Variants in TLN2 observed in about 807,000 individuals in gnomAD.
TLN2 encodes the protein talin 2, also known as talin-2.
Under a neutral mutation model 294.7 loss-of-function variants are expected in TLN2, and 118 were observed. The ratio of observed to expected loss-of-function variants is 0.40; its 90% CI spans 0.34 to 0.47. The LOEUF (loss-of-function observed/expected upper bound fraction) is 0.47. Among genes scored for constraint, TLN2 ranks in the 20% least tolerant of loss-of-function variants. The probability of loss-of-function intolerance (pLI) is 0.84; values close to 1 mark genes in which losing one functional copy is unlikely to be tolerated. For missense variants in TLN2, 3,083 were observed against 3,282.2 expected (o/e 0.94, Z 1.48); for synonymous variants, 1,431 against 1,304.5 (o/e 1.10, Z -2.09).
At chr15:62,638,820 G>A (rs975733706) in intron 3 of TLN2, among the ~76,000 whole-genome samples, 1 of 152,084 alleles carries the variant, frequency 6.6e-6, no homozygotes, top group Non-Finnish European at 1.5e-5. Context: ...CCCTTGGGGA[G>A]CTTCCAGTTA....
chr15:62,691,982 A>T (rs2057959256), intron 12 of TLN2, among the ~76,000 whole-genome samples: 4 of 152,160 alleles, frequency 2.6e-5, no homozygotes, highest in Admixed American at 1.3e-4. Context: ...CCATTGGGAG[A>T]CTTCTGATCT....
At chr15:62,582,330 C>T (rs2045199271) in intron 1 of TLN2, among the ~76,000 whole-genome samples, 2 of 151,882 alleles carry the variant, frequency 1.3e-5, no homozygotes, top group African/African-American at 4.8e-5. Context: ...TTCTTGGAGT[C>T]ACTATTTTTC....
chr15:62,544,614 C>T (rs1044498596), intron 1 of TLN2, among the ~76,000 whole-genome samples: 6 of 152,280 alleles, frequency 3.9e-5, no homozygotes, highest in East Asian at 1.9e-4. Context: ...TCCTGGAGAC[C>T]GCTTCTGGCT....
At chr15:62,543,973 T>A (rs899984581) in intron 1 of TLN2, among the ~76,000 whole-genome samples, 3 of 151,942 alleles carry the variant, frequency 2.0e-5, no homozygotes, top group African/African-American at 7.3e-5. Flanking sequence ...GGGGCTGGCG[T>A]GGAGGGTAGT....
At chr15:62,805,041 A>G (rs28689704) in intron 50 of TLN2, among the ~76,000 whole-genome samples, 13,099 of 152,226 alleles carry the variant, frequency 0.086, 818 homozygotes, top group East Asian at 0.2. Flanking sequence ...TCACAGTGTC[A>G]CCATGGCGCA....
chr15:62,399,959 G>T (rs1016793163), intron 1 of TLN2, among the ~76,000 whole-genome samples: 5 of 152,128 alleles, frequency 3.3e-5, no homozygotes, highest in African/African-American at 1.2e-4. Flanking sequence ...CATGAGATTT[G>T]GGAGGGGGCA....
intron 1 of TLN2, 138 bp from the exon 2 acceptor site, chr15:62,589,549 C>T (rs1349166406): frequency 6.6e-6 from 1 of 152,162 alleles, no homozygotes; most frequent in East Asian, 1.9e-4. Flanking sequence ...ATTCCCAGCC[C>T]ATGTGTTGTG....
At chr15:62,424,664 T>G (rs2034599597) in intron 1 of TLN2, among the ~76,000 whole-genome samples, 1 of 151,986 alleles carries the variant, frequency 6.6e-6, no homozygotes, top group Non-Finnish European at 1.5e-5. Context: ...TTTTTTTTTG[T>G]TTTTTTGAGA....
intron 1 of TLN2, among the ~76,000 whole-genome samples, chr15:62,589,167 T>G (rs1348782205): frequency 6.6e-6 from 1 of 152,116 alleles, no homozygotes; most frequent in Non-Finnish European, 1.5e-5. Flanking sequence ...TTATAGTGCT[T>G]CTCTGCTTCA....
intron 11 of TLN2, among the ~76,000 whole-genome samples, chr15:62,683,810 C>T (rs1319598449): frequency 1.3e-5 from 2 of 151,984 alleles, no homozygotes; most frequent in East Asian, 1.9e-4. Flanking sequence ...AGTTGAAGGT[C>T]GGAAAGGAGT....
Position 62,820,533 on chromosome 15 carries a change from G to A in TLN2, c.6925G>A (p.Glu2309Lys). 3 of 1,614,002 alleles carry A rather than the reference G, an allele frequency of 1.9e-6. No homozygotes were observed. The African/African-American group carries it at 4.0e-5, about 22-fold the overall frequency. ...AGACCCAACTGTCATTGCAGAAACA[G>A]AGTTACTGGGGGCTGCAGCATCCAT... ...PEDPTVIAET[E>K]LLGAAASIEA... The change falls in exon 54 of 59, where the codon GAG (glutamate) becomes AAG (lysine). Residue 2309 changes from glutamate (E) to lysine (K), a missense_variant. Physicochemically the swap from Glu to Lys is moderately conservative, Grantham distance 56. Coordinates refer to ENST00000636159, the MANE Select transcript of TLN2 (RefSeq NM_015059.3).
At chr15:62,770,849 T>A in intron 41 of TLN2, 115 bp from the exon 42 acceptor site, 1 of 1,281,934 alleles carries the variant, frequency 7.8e-7, no homozygotes, top group Non-Finnish European at 1.1e-6. Context: ...CAGATCTGCC[T>A]CTCCCTGTGA....
At chr15:62,583,307 C>G (rs1358609123) in intron 1 of TLN2, among the ~76,000 whole-genome samples, 3 of 152,060 alleles carry the variant, frequency 2.0e-5, no homozygotes, top group Non-Finnish European at 2.9e-5. Context: ...TTTTCCTTCC[C>G]CCAAAGGAGA....
chr15:62,529,364 C>A (rs1225219057), intron 1 of TLN2, among the ~76,000 whole-genome samples: 1 of 152,074 alleles, frequency 6.6e-6, no homozygotes, highest in Non-Finnish European at 1.5e-5. Flanking sequence ...GTTGGTATTA[C>A]ACGTGTGAGC....
At chr15:62,689,994 A>C (rs868581458) in intron 12 of TLN2, among the ~76,000 whole-genome samples, 21 of 14,106 alleles carry the variant, frequency 1.5e-3, no homozygotes, top group South Asian at 3.7e-3. Context: ...TCCCTCCCGG[A>C]CGGGGCGGCT....
At chr15:62,499,232 T>C (rs2039174707) in intron 1 of TLN2, among the ~76,000 whole-genome samples, 1 of 152,162 alleles carries the variant, frequency 6.6e-6, no homozygotes, top group Admixed American at 6.5e-5. Flanking sequence ...GAACATCACT[T>C]GAGCTCAGGA....
At chr15:62,789,284 C>T (rs1426453882) in intron 45 of TLN2, among the ~76,000 whole-genome samples, 1 of 152,140 alleles carries the variant, frequency 6.6e-6, no homozygotes, top group East Asian at 1.9e-4. Flanking sequence ...GAGGCAAAGC[C>T]CTGGGTTGAC....
chr15:62,410,851 C>A (rs996096087), intron 1 of TLN2, among the ~76,000 whole-genome samples: 3 of 152,172 alleles, frequency 2.0e-5, no homozygotes, highest in African/African-American at 7.2e-5. Flanking sequence ...GAGAAGAGTC[C>A]TTTGGTCTTC....
intron 24 of TLN2, among the ~76,000 whole-genome samples, chr15:62,718,374 C>G (rs1214056015): frequency 2.6e-5 from 4 of 152,212 alleles, no homozygotes; most frequent in Non-Finnish European, 5.9e-5. Context: ...GTATTTGCAG[C>G]TAGCTGTGGT....
Sources: allele counts gnomAD v4.1 joint callset (sites outside exome capture counted in the v4.1 genomes callset), GRCh38; gene constraint gnomAD v4.1.1; transcripts MANE v1.5; gene names NCBI Gene and HGNC (gene_info 2026-07-23, HGNC 2026-07-21).